The following WWP1 variants were observed in gnomAD, a reference collection of about 807,000 sequenced individuals.
The protein encoded by WWP1 is WW domain containing E3 ubiquitin protein ligase 1.
In WWP1, 49 loss-of-function variants were observed where a neutral mutation model predicts 130.6. The observed-to-expected ratio is 0.38, with a 90% confidence interval of 0.30 to 0.48. WWP1 has a LOEUF of 0.48. Among genes scored for constraint, WWP1 ranks in the 20% least tolerant of loss-of-function variants. WWP1 has a pLI of 0.99. For missense variants in WWP1, 809 were observed against 1,100.6 expected (o/e 0.74, Z 3.75); for synonymous variants, 332 against 367.8 (o/e 0.90, Z 1.11).
intron 22 of WWP1, among the ~76,000 whole-genome samples, chr8:86,459,023 CTTTTTTTTTTTT>C (rs71275853): frequency 2.4e-5 from 2 of 84,254 alleles, no homozygotes; most frequent in African/African-American, 1.1e-4. Context: ...TTTCTTTTTT[CTTTTTTTTTTTT>C]TTTTTTTTTT....
intron 6 of WWP1, 26 bp downstream of exon 6, chr8:86,398,505 A>G: frequency 6.2e-7 from 1 of 1,609,170 alleles, no homozygotes; most frequent in Non-Finnish European, 8.5e-7. Flanking sequence ...ATGTTTGTAA[A>G]ATTTCAAGGA....
intron 10 of WWP1, 74 bp downstream of exon 10, chr8:86,425,392 C>A: frequency 4.5e-6 from 5 of 1,120,486 alleles, no homozygotes; most frequent in Non-Finnish European, 6.4e-6. Context: ...TTTAGTACAG[C>A]GTAATTTGAT....
intron 3 of WWP1, among the ~76,000 whole-genome samples, chr8:86,375,286 A>C (rs1219311145): frequency 6.6e-6 from 1 of 152,076 alleles, no homozygotes; most frequent in African/African-American, 2.4e-5. Context: ...ATAATTAGTT[A>C]AGTTCATCGT....
chr8:86,448,169 A>G lies in WWP1; in HGVS notation c.2020A>G (p.Ile674Val), dbSNP rs1208514678. ...GCAGGCACTATTTCATGGAAAGTTT[A>G]TCGATACTGGTTTCTCTTTACCATT... ...IAMALFHGKF[I>V]DTGFSLPFYK... Residue 674 changes from isoleucine (I) to valine (V), a missense_variant, in exon 19 of 25, where the codon ATC becomes GTC. This residue lies in a region of WWP1 where 450 missense variants were observed against 674.2 expected (regional missense o/e 0.67). Transcript: ENST00000517970. The G allele has an allele frequency of 9.0e-6, 14 of 1,558,912 alleles. No homozygotes were observed. In the East Asian group the frequency reaches 3.3e-4, roughly 36 times the overall value.
intron 1 of WWP1, among the ~76,000 whole-genome samples, chr8:86,364,363 T>C (rs923615957): frequency 2.0e-5 from 3 of 152,140 alleles, no homozygotes; most frequent in Admixed American, 2.0e-4. Flanking sequence ...AAAGGGAATC[T>C]ACAGAAAAAT....
chr8:86,425,511 C>T (rs1029526535), intron 10 of WWP1, among the ~76,000 whole-genome samples, 193 bp downstream of exon 10: 1 of 152,134 alleles, frequency 6.6e-6, no homozygotes, highest in Non-Finnish European at 1.5e-5. Context: ...GACTGTCAAG[C>T]ATTGGCATGA....
At chr8:86,432,306 C>G (rs1810024918) in intron 14 of WWP1, among the ~76,000 whole-genome samples, 1 of 152,136 alleles carries the variant, frequency 6.6e-6, no homozygotes. Flanking sequence ...CCTAAAAGGT[C>G]TTTTGCAAAG....
At chr8:86,429,203 G>T (rs73254771) in intron 11 of WWP1, among the ~76,000 whole-genome samples, 21,164 of 152,212 alleles carry the variant, frequency 0.14, 3,964 homozygotes, top group African/African-American at 0.43. Flanking sequence ...TGGCTCTGTT[G>T]TTGCAAGCCC....
At chr8:86,412,699 G>T (rs1189760497) in intron 9 of WWP1, among the ~76,000 whole-genome samples, 9 of 146,462 alleles carry the variant, frequency 6.1e-5, no homozygotes, top group East Asian at 4.0e-4. Flanking sequence ...GTGTACGTTG[G>T]TTTTTTTTTT....
chr8:86,362,268 CTT>C (rs1295157535), intron 1 of WWP1, among the ~76,000 whole-genome samples: 1 of 123,696 alleles, frequency 8.1e-6, no homozygotes. Flanking sequence ...TATTGATCAC[CTT>C]TTTTTTTTTC....
At chr8:86,395,404 G>A (rs1807602191) in intron 5 of WWP1, among the ~76,000 whole-genome samples, 1 of 68,406 alleles carries the variant, frequency 1.5e-5, no homozygotes, top group Admixed American at 9.8e-5. Flanking sequence ...CCAGATTTTT[G>A]AGGAGATATA....
chr8:86,420,166 A>G (rs1361491643), intron 9 of WWP1, among the ~76,000 whole-genome samples: 1 of 152,174 alleles, frequency 6.6e-6, no homozygotes, highest in African/African-American at 2.4e-5. Flanking sequence ...AGTGAAAGGA[A>G]TGCCGCACAA....
In WWP1 at chr8:86,430,709, G is replaced by C; in HGVS notation, c.1345G>C (p.Ala449Pro). Reference sequence around the variant, plus strand: ...TTTCTCCAATCAGGCTTCAATGTTAGCTGCAGAAAATGACCCTTATGGACC... The same window carrying C: ...TTTCTCCAATCAGGCTTCAATGTTACCTGCAGAAAATGACCCTTATGGACC... ...QRYLYSASML[A>P]AENDPYGPLP... Residue 449 changes from alanine to proline, a missense_variant, in exon 12 of 25, where the codon GCT becomes CCT. This residue lies in a region of WWP1 where 450 missense variants were observed against 674.2 expected (regional missense o/e 0.67). Transcript: ENST00000517970. 6.3e-7 allele frequency: 1 copy of C among 1,581,880 alleles called. No homozygotes were observed. The highest frequency in any genetic ancestry group is 2.3e-5 in the East Asian group (1 of 42,582).
At chr8:86,412,716 G>T (rs1238108129) in intron 9 of WWP1, among the ~76,000 whole-genome samples, 8 of 142,274 alleles carry the variant, frequency 5.6e-5, no homozygotes, top group Non-Finnish European at 1.2e-4. Context: ...TTTTGGAATT[G>T]TTTTTTTTTT....
Position 86,448,086 on chromosome 8 carries a change from T to C in WWP1, c.1999-62T>C, listed in dbSNP as rs1394156986. Reference sequence around the variant, plus strand: ...AAGTCTCATGATTTTTCTTTTATCATTGTTCTCTAAGAAATTGTTATTTTG... The same window carrying C: ...AAGTCTCATGATTTTTCTTTTATCACTGTTCTCTAAGAAATTGTTATTTTG... On this transcript the variant is annotated intron_variant, in intron 18 of 24. Coordinates refer to ENST00000517970, the MANE Select transcript of WWP1 (RefSeq NM_007013.4). 7 of 1,403,052 alleles carry C rather than the reference T, an allele frequency of 5.0e-6. No individual in the cohort carries two copies. The East Asian group carries it at 1.2e-4, about 25-fold the overall frequency. 86.9% of individuals were successfully genotyped at this position (1,403,052 alleles called of 1,614,324 possible).
At chr8:86,460,897 C>T (rs912577833) in intron 22 of WWP1, among the ~76,000 whole-genome samples, 43 of 139,632 alleles carry the variant, frequency 3.1e-4, no homozygotes, top group African/African-American at 1.1e-3. Flanking sequence ...ACAAGCTCCA[C>T]CTCCCGGGTT....
chr8:86,355,054 T>C (rs1188572055), intron 1 of WWP1, among the ~76,000 whole-genome samples: 2 of 152,210 alleles, frequency 1.3e-5, no homozygotes, highest in African/African-American at 4.8e-5. Flanking sequence ...GAAGTTTGCA[T>C]GTAGGTCTGT....
intron 11 of WWP1, among the ~76,000 whole-genome samples, chr8:86,428,068 C>T (rs1033195169): frequency 1.2e-4 from 19 of 152,074 alleles, no homozygotes; most frequent in African/African-American, 3.1e-4. Flanking sequence ...TTATATCCTA[C>T]GGGGTAGTTT....
At chr8:86,465,836 A>G (rs1812068299) in intron 24 of WWP1, among the ~76,000 whole-genome samples, 1 of 152,198 alleles carries the variant, frequency 6.6e-6, no homozygotes. Context: ...GCTGCTATTA[A>G]TATCTTTAAC....
Sources: allele counts gnomAD v4.1 joint callset (sites outside exome capture counted in the v4.1 genomes callset), GRCh38; gene constraint gnomAD v4.1.1; regional missense constraint gnomAD v4.1.1; transcripts MANE v1.5; gene names NCBI Gene and HGNC (gene_info 2026-07-23, HGNC 2026-07-21).